The following PBK variants were observed in gnomAD, a reference collection of about 807,000 sequenced individuals.
The protein encoded by PBK is lymphokine-activated killer T-cell-originated protein kinase.
A neutral mutation model predicts 33.5 loss-of-function variants in PBK; 22 were observed. The ratio of observed to expected loss-of-function variants is 0.66; its 90% confidence interval spans 0.47 to 0.94. PBK has a LOEUF of 0.94. Among genes scored for constraint, PBK ranks in the 40% least tolerant of loss-of-function variants. The pLI, the probability that PBK is intolerant of heterozygous loss-of-function variation, is 0.00. For synonymous variants in PBK, 129 were observed against 123.8 expected (o/e 1.04, Z -0.28); for missense variants, 376 against 383.4 (o/e 0.98, Z 0.16).
chr8:27,813,370 G>T (rs771041435), intron 6 of PBK, among the ~76,000 whole-genome samples: 23 of 152,104 alleles, frequency 1.5e-4, no homozygotes, highest in Admixed American at 2.0e-4. Context: ...TAAATGACTA[G>T]TTAATGGGTG....
intron 6 of PBK, among the ~76,000 whole-genome samples, chr8:27,811,780 A>C (rs1369188510): frequency 6.6e-6 from 1 of 152,158 alleles, no homozygotes; most frequent in Non-Finnish European, 1.5e-5. Flanking sequence ...CCGCAGTCAT[A>C]TATTTCTCCA....
intron 7 of PBK, among the ~76,000 whole-genome samples, chr8:27,810,755 G>A (rs1451626451): frequency 6.6e-6 from 1 of 152,068 alleles, no homozygotes; most frequent in East Asian, 1.9e-4. Context: ...CAGGAAAGGG[G>A]AGTTTTTAAG....
intron 6 of PBK, chr8:27,811,340 G>A: frequency 1.7e-6 from 1 of 602,746 alleles, no homozygotes; most frequent in South Asian, 2.0e-5. Context: ...CAGTTGGCAG[G>A]TATGTAGAGA....
At chr8:27,835,417 T>C (rs1005730705) in intron 1 of PBK, among the ~76,000 whole-genome samples, 1 of 152,182 alleles carries the variant, frequency 6.6e-6, no homozygotes, top group Admixed American at 6.5e-5. Flanking sequence ...AAGGATAAAC[T>C]ATTTAGCAGA....
rs1183877372 is a variant in PBK, at chr8:27,812,641, AC to A, written c.596-1508del. On this transcript the variant is annotated intron_variant, in intron 6 of 7. Coordinates refer to ENST00000301905, the MANE Select transcript of PBK (RefSeq NM_018492.4). ...ATTTACAAGAAAAAAAAAAAAAAAA[AC>A]ATCAAAAAGTGGGCAAAGGATATGA... 86 of 134,172 alleles carry A rather than the reference AC, an allele frequency of 6.4e-4. 1 individual carries two copies. Among genetic ancestry groups the A allele is most frequent in the African/African-American group, 1.8e-3 (67 of 37,370 alleles). 8.3% of individuals were successfully genotyped at this position (134,172 alleles called of 1,614,324 possible).
intron 3 of PBK, among the ~76,000 whole-genome samples, chr8:27,827,514 G>GA (rs1257183358): frequency 6.6e-6 from 1 of 152,184 alleles, no homozygotes; most frequent in Non-Finnish European, 1.5e-5. Flanking sequence ...AACAGAGTGA[G>GA]ACTCTGTTTC....
rs1806064321 is a variant in PBK at position 27,828,217 on chromosome 8, AAAAAT to A, written c.59-24_59-20del. 1 of 1,149,062 alleles carries A rather than the reference AAAAAT, an allele frequency of 8.7e-7. No individual in the cohort carries two copies. Among genetic ancestry groups the A allele is most frequent in the Non-Finnish European group, 1.3e-6 (1 of 784,736 alleles). The allele number at this position is 1,149,062 out of a possible 1,614,324, so 71.2% of individuals were successfully genotyped here. ...CATAATACTAAATGTCAGAGAAATA[AAAAAT>A]AAAATTAATAAAAAATAAAAATAAA... On this transcript the variant is annotated intron_variant, in intron 2 of 7. Coordinates refer to ENST00000301905, the MANE Select transcript of PBK (RefSeq NM_018492.4).
intron 6 of PBK, among the ~76,000 whole-genome samples, chr8:27,815,709 G>A (rs968436444): frequency 2.6e-5 from 4 of 152,128 alleles, no homozygotes; most frequent in Non-Finnish European, 5.9e-5. Context: ...CTAAAATAAC[G>A]GCTCCAATTT....
At chr8:27,818,916 A>G (rs981944454) in intron 6 of PBK, among the ~76,000 whole-genome samples, 1 of 152,158 alleles carries the variant, frequency 6.6e-6, no homozygotes, top group African/African-American at 2.4e-5. Context: ...GATAGAAAAC[A>G]GCTGTGTTTT....
Position 27,833,046 on chromosome 8 carries a change from G to A in PBK, c.58+10C>T. 1 of 1,515,996 alleles carries A rather than the reference G, an allele frequency of 6.6e-7. No individual in the cohort carries two copies. The highest frequency in any genetic ancestry group is 9.0e-7 in the Non-Finnish European group (1 of 1,105,480). The allele number at this position is 1,515,996 out of a possible 1,614,324, so 93.9% of individuals were successfully genotyped here. A position where few individuals can be genotyped will look rare whatever the true frequency, so the allele number is the denominator to read the frequency against. On this transcript the variant is annotated intron_variant, in intron 2 of 7. Coordinates refer to ENST00000301905, the MANE Select transcript of PBK (RefSeq NM_018492.4). ...TAGTAAAAAAAAAAATCTTACATCT[G>A]CTATCTTACCAGATTTCTTTTTTTC...
rs535195013 is a variant in PBK at position 27,810,224 on chromosome 8, T to C, written c.*81A>G. ...CCTCAAATATGCCAATTTTAGAGTC[T>C]AATAACTACTGATAGTAACTATGTA... On this transcript the variant is annotated 3_prime_UTR_variant, in exon 8 of 8. Transcript: ENST00000301905. 1.2e-4 allele frequency: 114 copies of C among 939,514 alleles called. 1 individual carries two copies. The South Asian group carries it at 1.6e-3, about 13-fold the overall frequency. 58.2% of individuals were successfully genotyped at this position (939,514 alleles called of 1,614,324 possible).
chr8:27,823,628 C>T (rs1275381409), intron 3 of PBK, among the ~76,000 whole-genome samples: 1 of 151,714 alleles, frequency 6.6e-6, no homozygotes, highest in Non-Finnish European at 1.5e-5. Context: ...AACATTTTAC[C>T]CATATATCAT....
chr8:27,826,762 C>G (rs1235116224), intron 3 of PBK, among the ~76,000 whole-genome samples: 1 of 101,878 alleles, frequency 9.8e-6, no homozygotes, highest in African/African-American at 4.8e-5. Flanking sequence ...CGCCACTGCA[C>G]TCCAGCCTGG....
At chr8:27,825,433 G>A (rs1412923200) in intron 3 of PBK, among the ~76,000 whole-genome samples, 1 of 152,078 alleles carries the variant, frequency 6.6e-6, no homozygotes, top group Admixed American at 6.5e-5. Context: ...ATGAGACCCT[G>A]TCTCTAAATA....
At chr8:27,835,189 T>C (rs1236240279) in intron 1 of PBK, among the ~76,000 whole-genome samples, 1 of 152,092 alleles carries the variant, frequency 6.6e-6, no homozygotes, top group Non-Finnish European at 1.5e-5. Context: ...GGGAAGAAAA[T>C]CATCTCAAAG....
At position 27,828,215 on chromosome 8, in the gene PBK, TA is replaced by T. The variant is rs1227687835; in HGVS notation, c.59-18del. 2 of 1,142,210 alleles carry T rather than the reference TA, an allele frequency of 1.8e-6. No homozygotes were observed. The highest frequency in any genetic ancestry group is 2.6e-6 in the Non-Finnish European group (2 of 779,406). 70.8% of individuals were successfully genotyped at this position (1,142,210 alleles called of 1,614,324 possible). A position where few individuals can be genotyped will look rare whatever the true frequency, so the allele number is the denominator to read the frequency against. On this transcript the variant is annotated intron_variant, in intron 2 of 7. Coordinates refer to ENST00000301905, the MANE Select transcript of PBK (RefSeq NM_018492.4). Reference sequence around the variant, plus strand: ...AACATAATACTAAATGTCAGAGAAATAAAAAATAAAATTAATAAAAAATAAA... The same window carrying T: ...AACATAATACTAAATGTCAGAGAAATAAAAATAAAATTAATAAAAAATAAA...
At chr8:27,825,387 A>C (rs1240254035) in intron 3 of PBK, among the ~76,000 whole-genome samples, 1 of 152,114 alleles carries the variant, frequency 6.6e-6, no homozygotes, top group Non-Finnish European at 1.5e-5. Context: ...GCAGTGAGTT[A>C]TGATGGCACC....
rs1333006117 is a variant in PBK, at chr8:27,810,487, C to G, written c.787G>C (p.Glu263Gln). ...TATGCTTCATCATCAAAATCACTTT[C>G]ATCAAAAGTTTTATCTTGAAGGAGT... is the stretch of plus-strand genomic sequence containing the variant. ...DDDDEDKTFDESDFDDEAYYA... is the reference protein window; with the variant it reads ...DDDDEDKTFDQSDFDDEAYYA... Residue 263 changes from glutamate to glutamine, a missense_variant, in exon 8 of 8, where the codon GAA (glutamate) becomes CAA (glutamine). Glu to Gln is a conservative substitution (Grantham distance 29). Transcript: ENST00000301905. The G allele has an allele frequency of 1.3e-6, 2 of 1,599,442 alleles. No homozygotes were observed. Among genetic ancestry groups the G allele is most frequent in the South Asian group, 1.1e-5 (1 of 89,822 alleles).
intron 6 of PBK, chr8:27,812,063 T>G (rs1402415156): frequency 5.9e-5 from 9 of 152,160 alleles, no homozygotes; most frequent in African/African-American, 2.2e-4. Context: ...CAATTTTGCC[T>G]TCTCCATTTT....
Sources: gnomAD v4.1 joint callset for allele counts (sites outside exome capture counted in the v4.1 genomes callset) on GRCh38, gnomAD v4.1.1 for gene constraint, MANE v1.5 for transcripts, NCBI Gene and HGNC (gene_info 2026-07-23, HGNC 2026-07-21) for gene names.